The following SPIDR variants were observed in gnomAD, a reference collection of about 807,000 sequenced individuals.
The protein encoded by SPIDR is DNA repair-scaffolding protein.
A neutral mutation model predicts 104.6 loss-of-function variants in SPIDR; 93 were observed. The observed-to-expected ratio is 0.89, with a 90% CI of 0.75 to 1.06. The LOEUF (loss-of-function observed/expected upper bound fraction) is 1.06, where lower values mean the gene tolerates loss of function less well. Ranked by LOEUF, SPIDR falls within the 50% of genes least tolerant of loss-of-function variation. The pLI, the probability that SPIDR is intolerant of heterozygous loss-of-function variation, is 0.00. For missense variants in SPIDR, 1,154 were observed against 1,111.2 expected (o/e 1.04, Z -0.55); for synonymous variants, 431 against 416.9 (o/e 1.03, Z -0.41).
intron 10 of SPIDR, among the ~76,000 whole-genome samples, chr8:47,657,550 A>T (rs1321642559): frequency 6.6e-6 from 1 of 152,148 alleles, no homozygotes; most frequent in Non-Finnish European, 1.5e-5. Context: ...TATGTGACAC[A>T]CATACAAGTA....
intron 10 of SPIDR, among the ~76,000 whole-genome samples, chr8:47,668,893 A>T (rs1164218881): frequency 6.6e-6 from 1 of 152,220 alleles, no homozygotes; most frequent in Non-Finnish European, 1.5e-5. Context: ...CAAAACATGT[A>T]CAAGAGCTAT....
intron 12 of SPIDR, 78 bp downstream of exon 12, chr8:47,700,568 ACT>A: frequency 1.4e-6 from 2 of 1,415,684 alleles, no homozygotes; most frequent in Non-Finnish European, 2.0e-6. Context: ...CATCACTGTC[ACT>A]CACATGGTCT....
intron 6 of SPIDR, among the ~76,000 whole-genome samples, 159 bp from the exon 7 acceptor site, chr8:47,407,702 G>A (rs1187939173): frequency 6.6e-6 from 1 of 152,166 alleles, no homozygotes; most frequent in East Asian, 1.9e-4. Flanking sequence ...GACTTATGAG[G>A]ATATGGCCTC....
rs2090243658 is a variant in SPIDR at position 47,550,366 on chromosome 8, A to G, written c.1098-45445A>G. 2.0e-5 allele frequency among the ~76,000 whole-genome samples: 3 copies of G among 152,078 alleles called. No homozygotes were observed. In the South Asian group the frequency reaches 6.2e-4, roughly 31 times the overall value. On this transcript the variant is annotated intron_variant, in intron 8 of 19. Coordinates refer to ENST00000297423, the MANE Select transcript of SPIDR (RefSeq NM_001080394.4). ...ATAAATTACCTTGGGCAGTATGGCC[A>G]TTTTCACGATATTGATTCTTCCTAT... is the stretch of plus-strand genomic sequence containing the variant.
intron 8 of SPIDR, among the ~76,000 whole-genome samples, chr8:47,531,197 T>A (rs1304267999): frequency 1.3e-5 from 2 of 152,222 alleles, no homozygotes; most frequent in Non-Finnish European, 2.9e-5. Flanking sequence ...CAACCTTTTT[T>A]AAAAACTTGT....
intron 8 of SPIDR, among the ~76,000 whole-genome samples, chr8:47,537,003 A>G (rs534548699): frequency 5.6e-4 from 86 of 152,232 alleles, no homozygotes; most frequent in Non-Finnish European, 9.3e-4. Flanking sequence ...TGCAAATTGA[A>G]ACAGCAATGA....
intron 5 of SPIDR, among the ~76,000 whole-genome samples, chr8:47,360,103 G>A (rs1039662354): frequency 6.6e-6 from 1 of 151,820 alleles, no homozygotes; most frequent in Admixed American, 6.6e-5. Flanking sequence ...TTAGCTGGGC[G>A]TGGTGGCGGG....
chr8:47,416,019 G>T (rs2064216792), intron 7 of SPIDR, among the ~76,000 whole-genome samples: 1 of 152,198 alleles, frequency 6.6e-6, no homozygotes, highest in African/African-American at 2.4e-5. Flanking sequence ...ACCAAGGCCG[G>T]CAGATCACAA....
chr8:47,407,366 A>G (rs1231540175), intron 6 of SPIDR, among the ~76,000 whole-genome samples: 1 of 152,196 alleles, frequency 6.6e-6, no homozygotes, highest in Non-Finnish European at 1.5e-5. Flanking sequence ...CAGTTGGCAA[A>G]GTTATTCTTG....
At chr8:47,420,475 T>C (rs1371151157) in intron 7 of SPIDR, among the ~76,000 whole-genome samples, 1 of 152,218 alleles carries the variant, frequency 6.6e-6, no homozygotes, top group East Asian at 1.9e-4. Flanking sequence ...TTTTAGATCT[T>C]CCTCCATCCT....
intron 8 of SPIDR, among the ~76,000 whole-genome samples, chr8:47,491,070 C>T (rs543091372): frequency 1.3e-5 from 2 of 152,190 alleles, no homozygotes; most frequent in African/African-American, 4.8e-5. Context: ...CTTGTAACTA[C>T]AAAAAGCATG....
At chr8:47,729,163 G>A (rs914635135) in intron 18 of SPIDR, 116 bp downstream of exon 18, 24 of 1,533,602 alleles carry the variant, frequency 1.6e-5, no homozygotes, top group Middle Eastern at 1.7e-4. Flanking sequence ...GCTGGGACTC[G>A]GCTGGGATGG....
intron 8 of SPIDR, among the ~76,000 whole-genome samples, chr8:47,478,419 T>C (rs1261512372): frequency 3.3e-5 from 5 of 152,168 alleles, no homozygotes; most frequent in Non-Finnish European, 7.3e-5. Flanking sequence ...GGTGGCACCT[T>C]CACAGAGACA....
rs528699272 is a variant in SPIDR, at chr8:47,417,169, A to G, written c.877+9208A>G. On this transcript the variant is annotated intron_variant, in intron 7 of 19. Coordinates refer to ENST00000297423, the MANE Select transcript of SPIDR (RefSeq NM_001080394.4). ...TAATGGGATGGCTGGGTCAAATGGTATTTCTAGTTCTAGATCCCTGAGGAA... is the reference window on the plus strand; with the variant it reads ...TAATGGGATGGCTGGGTCAAATGGTGTTTCTAGTTCTAGATCCCTGAGGAA... Among the ~76,000 whole-genome samples the G allele has an allele frequency of 1.2e-3, 187 of 152,274 alleles. 1 individual carries two copies. Among genetic ancestry groups the G allele is most frequent in the African/African-American group, 4.3e-3 (178 of 41,566 alleles).
At position 47,466,906 on chromosome 8, in the gene SPIDR, T is replaced by TAG. The variant is rs1445880967; in HGVS notation, c.1097+26365_1097+26366insGA. Among the ~76,000 whole-genome samples, 51 of 119,224 alleles carry TAG rather than the reference T, an allele frequency of 4.3e-4. 1 individual carries two copies. Among genetic ancestry groups the TAG allele is most frequent in the African/African-American group, 1.7e-3 (50 of 28,760 alleles). 78.2% of individuals were successfully genotyped at this position (119,224 alleles called of 152,430 possible). ...TTTTTTGAAAAAAAAAAAAAATATA[T>TAG]ATATATATAGATAGATAGATAGATA... On this transcript the variant is annotated intron_variant, in intron 8 of 19. Transcript: ENST00000297423.
chr8:47,641,795 A>G (rs1211735372), intron 10 of SPIDR, among the ~76,000 whole-genome samples: 1 of 152,170 alleles, frequency 6.6e-6, no homozygotes, highest in Non-Finnish European at 1.5e-5. Flanking sequence ...TACCCAGCCC[A>G]CCATGTGTAA....
intron 1 of SPIDR, among the ~76,000 whole-genome samples, chr8:47,278,096 CT>C (rs71225674): frequency 8.2e-4 from 113 of 137,218 alleles, no homozygotes; most frequent in Admixed American, 1.5e-3. Flanking sequence ...TTTTCTTTCT[CT>C]TTTTTTTTTT....
Position 47,485,355 on chromosome 8 carries a change from G to A in SPIDR, c.1097+44813G>A, listed in dbSNP as rs950482169. Among the ~76,000 whole-genome samples the A allele has an allele frequency of 3.9e-5, 6 of 152,338 alleles. No individual in the cohort carries two copies. In the South Asian group the frequency reaches 1.2e-3, roughly 32 times the overall value. On this transcript the variant is annotated intron_variant, in intron 8 of 19. Transcript: ENST00000297423. ...TTGAGTAGGTAAACAAAGCAGCCAGGAAGCTCGAACTGGGTGGAGCCCACG... is the reference window on the plus strand; with the variant it reads ...TTGAGTAGGTAAACAAAGCAGCCAGAAAGCTCGAACTGGGTGGAGCCCACG...
chr8:47,332,975 CT>C (rs1563649169), intron 5 of SPIDR, among the ~76,000 whole-genome samples: 1 of 149,428 alleles, frequency 6.7e-6, no homozygotes, highest in East Asian at 2.0e-4. Flanking sequence ...ATGGTAGTTT[CT>C]TTTGCTGTGC....
Sources: allele counts gnomAD v4.1 joint callset (sites outside exome capture counted in the v4.1 genomes callset), GRCh38; gene constraint gnomAD v4.1.1; transcripts MANE v1.5; gene names NCBI Gene and HGNC (gene_info 2026-07-23, HGNC 2026-07-21).